LUZP1: variants seen among roughly 807,000 people sequenced by gnomAD.
LUZP1 encodes leucine zipper protein 1, also known as filamin mechanobinding actin cross-linking protein.
A neutral mutation model predicts 71.3 loss-of-function variants in LUZP1; 25 were observed. The observed-to-expected ratio is 0.35, with a 90% CI of 0.26 to 0.49. The LOEUF is 0.49. Ranked by LOEUF, LUZP1 falls within the 20% of genes least tolerant of loss-of-function variation. LUZP1 has a pLI of 0.99. For synonymous variants in LUZP1, 481 were observed against 506.4 expected, an observed-to-expected ratio of 0.95 and a Z score of 0.67; for missense variants, 1,142 against 1,300.8, an observed-to-expected ratio of 0.88 and a Z score of 1.88.
intron 2 of LUZP1, among the ~76,000 whole-genome samples, chr1:23,160,556 C>T (rs964856464): frequency 2.0e-5 from 3 of 152,172 alleles, no homozygotes; most frequent in African/African-American, 7.2e-5. Flanking sequence ...GCAGTTGGTG[C>T]ACTCCCGGCC....
intron 2 of LUZP1, among the ~76,000 whole-genome samples, chr1:23,122,321 G>A (rs1055608603): frequency 6.6e-6 from 1 of 152,188 alleles, no homozygotes; most frequent in Non-Finnish European, 1.5e-5. Context: ...TTCTAAGGTA[G>A]TTCCACTCAA....
At chr1:23,092,953 T>G (rs780770294) in exon 4 of LUZP1, 1 of 1,614,016 alleles carries the variant, frequency 6.2e-7, no homozygotes, top group Non-Finnish European at 8.5e-7. Flanking sequence ...CTCACCCCCA[T>G]GTGAGAAGCT....
At chr1:23,084,522 T>A (rs1643729744) in exon 5 of LUZP1, 1 of 152,130 alleles carries the variant, frequency 6.6e-6, no homozygotes, top group Admixed American at 6.5e-5. Flanking sequence ...ATCTGCAAAG[T>A]CCCTTTTGCC....
At chr1:23,161,817 T>C (rs574231984) in intron 2 of LUZP1, among the ~76,000 whole-genome samples, 1 of 150,388 alleles carries the variant, frequency 6.6e-6, no homozygotes, top group African/African-American at 2.4e-5. Flanking sequence ...AGGTCAGGAG[T>C]TCATGGCCAG....
chr1:23,099,045 C>T (rs186082374), intron 3 of LUZP1, among the ~76,000 whole-genome samples: 206 of 152,350 alleles, frequency 1.4e-3, no homozygotes, highest in Middle Eastern at 6.8e-3. Context: ...GTACATCTTT[C>T]TCTGTCCTCT....
chr1:23,151,197 A>G (rs1434901771), intron 2 of LUZP1, among the ~76,000 whole-genome samples: 1 of 152,150 alleles, frequency 6.6e-6, no homozygotes, highest in African/African-American at 2.4e-5. Flanking sequence ...GGCACCCGCC[A>G]TCATGCCTGG....
At chr1:23,102,407 C>T (rs1643938840) in intron 3 of LUZP1, among the ~76,000 whole-genome samples, 1 of 152,192 alleles carries the variant, frequency 6.6e-6, no homozygotes, top group South Asian at 2.1e-4. Flanking sequence ...CCTGCCCCTT[C>T]TCCCAACACA....
chr1:23,158,776 G>C lies in LUZP1; in HGVS notation c.-226+9990C>G, dbSNP rs1291280889. Among the ~76,000 whole-genome samples the C allele has an allele frequency of 4.0e-5, 6 of 150,586 alleles. 1 individual carries two copies. In the South Asian group the frequency reaches 8.4e-4, roughly 21 times the overall value. On this transcript the variant is annotated intron_variant, in intron 2 of 4. Coordinates refer to ENST00000302291, the Ensembl canonical transcript of LUZP1. ...GAGGCCAGGAGTTCAAGACTAGCCT[G>C]GCCAACATGGTGAAACACCGTCTCT...
At position 23,139,022 on chromosome 1, in the gene LUZP1, AT is replaced by A. The variant is rs1557672947; in HGVS notation, c.-226+29743del. On this transcript the variant is annotated intron_variant, in intron 2 of 4. Coordinates refer to ENST00000302291, the Ensembl canonical transcript of LUZP1. The stretch of plus-strand genomic sequence containing the variant: ...CAAAAAAAAAAAAAAAAAAAAAAAT[AT>A]ATATATATATATATATATATATACA... Among the ~76,000 whole-genome samples, 208 of 94,116 alleles carry A rather than the reference AT, an allele frequency of 2.2e-3. 5 individuals are homozygous for A. The highest frequency in any genetic ancestry group is 6.3e-3 in the African/African-American group (125 of 19,960). 61.7% of individuals were successfully genotyped at this position (94,116 alleles called of 152,430 possible).
chr1:23,117,652 C>T (rs921426921), intron 2 of LUZP1, among the ~76,000 whole-genome samples: 14 of 151,932 alleles, frequency 9.2e-5, no homozygotes, highest in African/African-American at 3.4e-4. Context: ...AGGAAGATGC[C>T]CAAGTCAGAA....
At chr1:23,141,934 T>A (rs1280231259) in intron 2 of LUZP1, among the ~76,000 whole-genome samples, 1 of 151,134 alleles carries the variant, frequency 6.6e-6, no homozygotes, top group Admixed American at 6.6e-5. Context: ...AACCTCCGCC[T>A]CCCGGGTTCA....
intron 1 of LUZP1, among the ~76,000 whole-genome samples, chr1:23,175,326 G>A (rs1374890125): frequency 6.6e-6 from 1 of 152,198 alleles, no homozygotes. Flanking sequence ...TCCCACCTCT[G>A]CAGAGTAAGT....
chr1:23,157,565 C>G (rs1329717716), intron 2 of LUZP1, among the ~76,000 whole-genome samples: 7 of 151,882 alleles, frequency 4.6e-5, no homozygotes, highest in Non-Finnish European at 1.0e-4. Context: ...CCAAGGCAGG[C>G]AGATCACCTG....
chr1:23,104,694 G>T (rs1643966189), intron 3 of LUZP1, among the ~76,000 whole-genome samples: 1 of 152,190 alleles, frequency 6.6e-6, no homozygotes, highest in Non-Finnish European at 1.5e-5. Context: ...AGTGACAGGG[G>T]CAAGGTAGGA....
chr1:23,113,041 A>G (rs926269423), intron 2 of LUZP1, among the ~76,000 whole-genome samples: 6 of 152,226 alleles, frequency 3.9e-5, no homozygotes, highest in African/African-American at 1.4e-4. Flanking sequence ...ACAGAAACCA[A>G]AGTCTCCACA....
chr1:23,166,565 G>A (rs1164019962), intron 2 of LUZP1, among the ~76,000 whole-genome samples: 3 of 141,956 alleles, frequency 2.1e-5, no homozygotes, highest in African/African-American at 5.3e-5. Flanking sequence ...TGAGGCAGGA[G>A]AATAGCTTAA....
rs189911440 is a variant in LUZP1 at position 23,112,518 on chromosome 1, C to T, written c.-225-3391G>A. Among the ~76,000 whole-genome samples, 38 of 152,276 alleles carry T rather than the reference C, an allele frequency of 2.5e-4. No individual in the cohort carries two copies. The East Asian group carries it at 4.6e-3, about 19-fold the overall frequency. ...AACAAGCTCAAGTGAACATTTTTGT[C>T]CCCCAAACACTTTGATAATAGATAA... is the stretch of plus-strand genomic sequence containing the variant. On this transcript the variant is annotated intron_variant, in intron 2 of 4. Transcript: ENST00000302291.
rs1179508571 is a variant in LUZP1, at chr1:23,162,606, T to A, written c.-226+6160A>T. ...GGTGCCTGCCACCATGCCTGGCTAA[T>A]TTTTTGTATTTTTAGTAGCCACGGG... is the stretch of plus-strand genomic sequence containing the variant. On this transcript the variant is annotated intron_variant, in intron 2 of 4. Transcript: ENST00000302291. 3 of 152,132 alleles carry A rather than the reference T, an allele frequency of 2.0e-5. No homozygotes were observed. The East Asian group carries it at 5.8e-4, about 29-fold the overall frequency. The allele number at this position is 152,132 out of a possible 1,614,324, so 9.4% of individuals were successfully genotyped here.
At chr1:23,158,438 CAGG>C (rs1180663586) in intron 2 of LUZP1, among the ~76,000 whole-genome samples, 2 of 151,770 alleles carry the variant, frequency 1.3e-5, no homozygotes, top group Non-Finnish European at 2.9e-5. Flanking sequence ...ATCACGCGGT[CAGG>C]AGTTCGAGAC....
Sources: allele counts gnomAD v4.1 joint callset (sites outside exome capture counted in the v4.1 genomes callset), GRCh38; gene constraint gnomAD v4.1.1; transcripts MANE v1.5; gene names NCBI Gene and HGNC (gene_info 2026-07-23, HGNC 2026-07-21).